The following NVL variants were observed in gnomAD, a reference collection of about 807,000 sequenced individuals.
NVL encodes the protein nuclear valosin-containing protein-like.
A neutral mutation model predicts 110.2 loss-of-function variants in NVL; 84 were observed. The observed-to-expected ratio is 0.76, with a 90% CI of 0.64 to 0.91. The LOEUF is 0.91. Among genes scored for constraint, NVL ranks in the 40% least tolerant of loss-of-function variants. The pLI is 0.00. For missense variants in NVL, 882 were observed against 1,035.9 expected, an observed-to-expected ratio of 0.85 and a Z score of 2.04; for synonymous variants, 354 against 361.1, an observed-to-expected ratio of 0.98 and a Z score of 0.22.
intron 16 of NVL, among the ~76,000 whole-genome samples, chr1:224,280,187 T>TG (rs1234774173): frequency 6.0e-5 from 9 of 150,782 alleles, no homozygotes; most frequent in South Asian, 2.1e-4. Flanking sequence ...TTGTTTTTTT[T>TG]TTTTTTGCTG....
At chr1:224,276,588 CATACTAA>C (rs1347051225) in intron 16 of NVL, among the ~76,000 whole-genome samples, 1 of 152,136 alleles carries the variant, frequency 6.6e-6, no homozygotes, top group Non-Finnish European at 1.5e-5. Flanking sequence ...ACTATATGGC[CATACTAA>C]ATAATCAAGG....
chr1:224,243,437 G>A (rs1418460121), intron 19 of NVL, among the ~76,000 whole-genome samples: 1 of 151,928 alleles, frequency 6.6e-6, no homozygotes, highest in Non-Finnish European at 1.5e-5. Flanking sequence ...CTCCAGCCTG[G>A]GTGACAGAGC....
intron 18 of NVL, among the ~76,000 whole-genome samples, chr1:224,265,839 C>T (rs147576616): frequency 6.6e-6 from 1 of 152,224 alleles, no homozygotes; most frequent in East Asian, 1.9e-4. Flanking sequence ...CACTATGTTG[C>T]CCAGGCTGGT....
At chr1:224,278,899 G>C (rs1278007989) in intron 16 of NVL, among the ~76,000 whole-genome samples, 2 of 151,926 alleles carry the variant, frequency 1.3e-5, no homozygotes, top group African/African-American at 4.8e-5. Context: ...TAATTTTATG[G>C]GGTTTTTTTG....
At position 224,311,843 on chromosome 1, in the gene NVL, TAGCTTTC is replaced by T; in HGVS notation, c.292_298del (p.Glu98IlefsTer20). 3.7e-6 allele frequency: 6 copies of T among 1,613,254 alleles called. No individual in the cohort carries two copies. The highest frequency in any genetic ancestry group is 5.1e-6 in the Non-Finnish European group (6 of 1,179,208). ...TTCCATACTTGAATCATCATCAGAATAGCTTTCAGTATACCTCAGTAAAAGGAGGGAA... is the reference window on the plus strand; with the variant it reads ...TTCCATACTTGAATCATCATCAGAATAGTATACCTCAGTAAAAGGAGGGAA... On this transcript the variant is annotated frameshift_variant, in exon 5 of 23. Coordinates refer to ENST00000281701, the MANE Select transcript of NVL (RefSeq NM_002533.4). LOFTEE classifies it high-confidence loss of function.
At chr1:224,236,754 T>C in intron 19 of NVL, 172 bp from the exon 20 acceptor site, 4 of 511,790 alleles carry the variant, frequency 7.8e-6, no homozygotes, top group Non-Finnish European at 1.4e-5. Context: ...CTACTACAAA[T>C]ACAAAAATTA....
chr1:224,274,799 A>T (rs927206020), intron 17 of NVL, among the ~76,000 whole-genome samples: 2 of 152,192 alleles, frequency 1.3e-5, no homozygotes, highest in African/African-American at 4.8e-5. Flanking sequence ...ATCTCTAAGG[A>T]CTGTGACTCA....
intron 19 of NVL, among the ~76,000 whole-genome samples, chr1:224,249,811 G>A (rs1234695913): frequency 6.6e-6 from 1 of 152,144 alleles, no homozygotes; most frequent in Non-Finnish European, 1.5e-5. Context: ...ACAGCTCCCT[G>A]CAGCCTTGAC....
chr1:224,292,802 G>A (rs975512841), intron 12 of NVL, among the ~76,000 whole-genome samples: 1 of 151,738 alleles, frequency 6.6e-6, no homozygotes, highest in Non-Finnish European at 1.5e-5. Context: ...GCTGGATGGA[G>A]TACAGTGGCA....
At chr1:224,238,094 C>T (rs571136090) in intron 19 of NVL, among the ~76,000 whole-genome samples, 98 of 151,788 alleles carry the variant, frequency 6.5e-4, no homozygotes, top group East Asian at 2.1e-3. Flanking sequence ...AGTGCAATGG[C>T]GCAATCTCAG....
chr1:224,324,202 C>T (rs887141642), intron 2 of NVL, among the ~76,000 whole-genome samples: 1 of 152,122 alleles, frequency 6.6e-6, no homozygotes, highest in Non-Finnish European at 1.5e-5. Flanking sequence ...TTAAACATAT[C>T]TAAACACAGA....
At chr1:224,253,775 T>C (rs1295768117) in intron 18 of NVL, among the ~76,000 whole-genome samples, 4 of 150,552 alleles carry the variant, frequency 2.7e-5, no homozygotes, top group African/African-American at 9.7e-5. Context: ...ATTGCCAAAC[T>C]GTTTTCCAAA....
At chr1:224,231,563 G>A (rs958436614) in intron 21 of NVL, among the ~76,000 whole-genome samples, 1 of 152,114 alleles carries the variant, frequency 6.6e-6, no homozygotes, top group African/African-American at 2.4e-5. Context: ...TAATGGTGAT[G>A]CCTATGAACA....
chr1:224,312,270 C>T (rs1669597290), intron 4 of NVL: 1 of 155,776 alleles, frequency 6.4e-6, no homozygotes, highest in Admixed American at 6.5e-5. Context: ...GGAAATATTT[C>T]AGCAACCTAT....
rs776253176 is a variant in NVL at position 224,229,296 on chromosome 1, C to CAAAA, written c.2527-1630_2527-1627dup. Among the ~76,000 whole-genome samples, 1,349 of 150,020 alleles carry CAAAA rather than the reference C, an allele frequency of 9.0e-3. 9 individuals are homozygous for CAAAA. The highest frequency in any genetic ancestry group is 0.014 in the Non-Finnish European group (966 of 67,374). ...GGGCAACAAGAGTGAAACTCTGTCTCAAAAAAATAAATAAATAAATAAATA... is the reference window on the plus strand; with the variant it reads ...GGGCAACAAGAGTGAAACTCTGTCTCAAAAAAAAAAATAAATAAATAAATAAATA... On this transcript the variant is annotated intron_variant, in intron 22 of 22. Coordinates refer to ENST00000281701, the MANE Select transcript of NVL (RefSeq NM_002533.4).
At position 224,227,530 on chromosome 1, in the gene NVL, G is replaced by A. The variant is rs571507383; in HGVS notation, c.*96C>T. On this transcript the variant is annotated 3_prime_UTR_variant, in exon 23 of 23. Transcript: ENST00000281701. ...GAAAATAAAATGTTTACATGAGGCC[G>A]CGCCTGTGTCCAGCTGAAAGTGGGT... The A allele has an allele frequency of 4.1e-4, 422 of 1,032,906 alleles. No homozygotes were observed. The highest frequency in any genetic ancestry group is 1.8e-3 in the African/African-American group (114 of 61,980). The allele number at this position is 1,032,906 out of a possible 1,614,324, so 64.0% of individuals were successfully genotyped here.
At chr1:224,255,417 C>T (rs1663102471) in intron 18 of NVL, among the ~76,000 whole-genome samples, 1 of 151,530 alleles carries the variant, frequency 6.6e-6, no homozygotes, top group African/African-American at 2.4e-5. Context: ...TGGTCTCGAT[C>T]TCCTGACCTT....
intron 2 of NVL, among the ~76,000 whole-genome samples, chr1:224,323,960 C>G (rs1411080498): frequency 6.6e-6 from 1 of 152,180 alleles, no homozygotes; most frequent in Non-Finnish European, 1.5e-5. Flanking sequence ...CCTGTCCTGC[C>G]ATTGTACAAT....
chr1:224,322,224 ACAGGTGCATGCCACG>A (rs1670718648), intron 2 of NVL, among the ~76,000 whole-genome samples: 1 of 150,324 alleles, frequency 6.7e-6, no homozygotes, highest in Admixed American at 6.6e-5. Flanking sequence ...AAGACAGACT[ACAGGTGCATGCCACG>A]CTAATTTTTT....
Sources: allele counts gnomAD v4.1 joint callset (sites outside exome capture counted in the v4.1 genomes callset), GRCh38; gene constraint gnomAD v4.1.1; transcripts MANE v1.5; gene names NCBI Gene and HGNC (gene_info 2026-07-23, HGNC 2026-07-21).